The following PAX8 variants were observed in gnomAD, a reference collection of about 807,000 sequenced individuals.
The protein encoded by PAX8 is paired box 8, also known as paired box protein Pax-8.
In PAX8, 15 loss-of-function variants were observed where a neutral mutation model predicts 52.4. That is an observed-to-expected ratio of 0.29 (90% CI 0.19 to 0.44). The LOEUF is 0.44. Among genes scored for constraint, PAX8 ranks in the 20% least tolerant of loss-of-function variants. The pLI is 1.00. For synonymous variants in PAX8, 284 were observed against 249.7 expected, an observed-to-expected ratio of 1.14 and a Z score of -1.29; for missense variants, 554 against 602.5, an observed-to-expected ratio of 0.92 and a Z score of 0.84.
chr2:113,274,536 T>G (rs906233443), intron 2 of PAX8: 3 of 152,202 alleles, frequency 2.0e-5, no homozygotes, highest in Admixed American at 6.5e-5. Context: ...TCCACCCCCA[T>G]TGCCTCCTTT....
At chr2:113,226,348 A>G in intron 10 of PAX8, 4 of 985,590 alleles carry the variant, frequency 4.1e-6, no homozygotes, top group Non-Finnish European at 4.8e-6. Context: ...TTGACCAGTG[A>G]CAATGGCTCA....
chr2:113,220,329 G>A (rs1689203464), intron 10 of PAX8, 151 bp from the exon 11 acceptor site: 1 of 649,102 alleles, frequency 1.5e-6, no homozygotes. Context: ...GAGCTCAGAA[G>A]GTCCCTCTGT....
rs982339136 is a variant in PAX8 at position 113,250,282 on chromosome 2, A to G, written c.26-3363T>C. On this transcript the variant is annotated intron_variant, in intron 2 of 11. Coordinates refer to ENST00000429538, the MANE Select transcript of PAX8 (RefSeq NM_003466.4). ...ACTCCATCTCAAAAAAAAAAAAAAA[A>G]AAGAAGATAGGGGGACCAGGATGGA... Among the ~76,000 whole-genome samples, 6 of 151,796 alleles carry G rather than the reference A, an allele frequency of 4.0e-5. No homozygotes were observed. The South Asian group carries it at 8.3e-4, about 21-fold the overall frequency.
At chr2:113,223,920 A>G (rs936493000) in intron 10 of PAX8, among the ~76,000 whole-genome samples, 1 of 152,222 alleles carries the variant, frequency 6.6e-6, no homozygotes, top group African/African-American at 2.4e-5. Context: ...GGAAGGATGA[A>G]TGAAAGTGTG....
chr2:113,247,934 A>G (rs1691459005), intron 2 of PAX8, among the ~76,000 whole-genome samples: 1 of 152,192 alleles, frequency 6.6e-6, no homozygotes, highest in Non-Finnish European at 1.5e-5. Flanking sequence ...TATGGGAACC[A>G]CTGGAGGGGA....
intron 8 of PAX8, chr2:113,235,866 G>T: frequency 2.2e-6 from 1 of 456,770 alleles, no homozygotes; most frequent in South Asian, 3.3e-5. Flanking sequence ...CCCGGGAGCG[G>T]CCTAGGACCG....
chr2:113,218,373 T>C lies in PAX8; in HGVS notation c.*160A>G. ...GGCCTTGTCCAAGGTCATCCTGTCT[T>C]TCATGGTTCATTAAATTAACCACAC... is the stretch of plus-strand genomic sequence containing the variant. On this transcript the variant is annotated 3_prime_UTR_variant, in exon 12 of 12. Coordinates refer to ENST00000429538, the MANE Select transcript of PAX8 (RefSeq NM_003466.4). 1 of 487,344 alleles carries C rather than the reference T, an allele frequency of 2.1e-6. No homozygotes were observed. The highest frequency in any genetic ancestry group is 3.6e-6 in the Non-Finnish European group (1 of 276,192). The allele number at this position is 487,344 out of a possible 1,614,324, so 30.2% of individuals were successfully genotyped here.
intron 10 of PAX8, chr2:113,226,178 G>A (rs1689558493): frequency 2.0e-6 from 2 of 985,414 alleles, no homozygotes; most frequent in Non-Finnish European, 2.4e-6. Flanking sequence ...GTGGGTGGCT[G>A]GCAAAGATTA....
intron 4 of PAX8, 41 bp from the exon 5 acceptor site, chr2:113,242,819 G>A: frequency 1.3e-6 from 2 of 1,483,714 alleles, no homozygotes; most frequent in Non-Finnish European, 9.4e-7. Flanking sequence ...AGAAGAGGAG[G>A]AAAGAGAACT....
intron 10 of PAX8, among the ~76,000 whole-genome samples, chr2:113,224,789 C>T (rs1431051672): frequency 1.6e-5 from 2 of 122,378 alleles, no homozygotes; most frequent in African/African-American, 6.3e-5. Context: ...GGAGTCAAAA[C>T]AAAAAATAAA....
chr2:113,253,415 C>A (rs1278884564), intron 2 of PAX8, among the ~76,000 whole-genome samples: 1 of 152,192 alleles, frequency 6.6e-6, no homozygotes, highest in African/African-American at 2.4e-5. Context: ...GGGGGCTCCT[C>A]CTCTAGTGTT....
intron 2 of PAX8, among the ~76,000 whole-genome samples, chr2:113,261,467 A>T (rs554967808): frequency 6.6e-6 from 1 of 152,332 alleles, no homozygotes; most frequent in Admixed American, 6.5e-5. Context: ...AGATGAGGGA[A>T]GGTAGCACAC....
At chr2:113,256,690 G>A (rs1271524493) in intron 2 of PAX8, among the ~76,000 whole-genome samples, 1 of 151,436 alleles carries the variant, frequency 6.6e-6, no homozygotes, top group Admixed American at 6.6e-5. Flanking sequence ...AAACTGAGAG[G>A]TAGCTTTCAA....
intron 4 of PAX8, among the ~76,000 whole-genome samples, chr2:113,244,108 G>T (rs537404399): frequency 6.6e-6 from 1 of 152,166 alleles, no homozygotes; most frequent in Admixed American, 6.5e-5. Context: ...CTGGGTTAGG[G>T]GTCTGATGGC....
chr2:113,232,612 T>C (rs985409348), intron 9 of PAX8, among the ~76,000 whole-genome samples: 4 of 152,014 alleles, frequency 2.6e-5, no homozygotes, highest in African/African-American at 9.7e-5. Flanking sequence ...GCCTGGAGAG[T>C]GGGCATGTCC....
chr2:113,272,978 C>G (rs975754881), intron 2 of PAX8: 4 of 152,176 alleles, frequency 2.6e-5, no homozygotes, highest in Non-Finnish European at 5.9e-5. Context: ...CTCATTCATT[C>G]CCCTGCCCCC....
intron 9 of PAX8, among the ~76,000 whole-genome samples, chr2:113,231,982 C>T (rs1326931357): frequency 6.6e-6 from 1 of 152,234 alleles, no homozygotes; most frequent in Non-Finnish European, 1.5e-5. Context: ...CCCACCTTGG[C>T]CTCCCAAAGT....
intron 11 of PAX8, 59 bp downstream of exon 11, chr2:113,220,033 G>A (rs986473231): frequency 7.1e-6 from 9 of 1,264,456 alleles, no homozygotes; most frequent in Non-Finnish European, 1.0e-5. Context: ...ACCCACCCTT[G>A]CCCCCCACCA....
chr2:113,235,542 C>G lies in PAX8; in HGVS notation c.939G>C (p.Glu313Asp), dbSNP rs769299885. 1.1e-5 allele frequency: 18 copies of G among 1,613,614 alleles called. No homozygotes were observed. The Admixed American group carries it at 1.5e-4, about 13-fold the overall frequency. Residue 313 changes from glutamate to aspartate, a missense_variant, in exon 9 of 12, where the codon GAG becomes GAC. By Grantham distance (45) the Glu-to-Asp change is conservative. Coordinates refer to ENST00000429538, the MANE Select transcript of PAX8 (RefSeq NM_003466.4). ...SPFAIKQETP[E>D]VSSSSSTPSS... is the part of the protein sequence containing the mutation. ...AAGGGGTGGAGCTAGAACTGGACAC[C>G]TCGGGGGTTTCCTGCTTTATGGCGA...
Sources: allele counts gnomAD v4.1 joint callset (sites outside exome capture counted in the v4.1 genomes callset), GRCh38; gene constraint gnomAD v4.1.1; transcripts MANE v1.5; gene names NCBI Gene and HGNC (gene_info 2026-07-23, HGNC 2026-07-21).